CNTN1: variants seen among roughly 807,000 people sequenced by gnomAD.
CNTN1 encodes contactin 1.
In CNTN1, 38 loss-of-function variants were observed where a neutral mutation model predicts 126.4. The ratio of observed to expected loss-of-function variants is 0.30; its 90% CI spans 0.23 to 0.39. The LOEUF is 0.39. Ranked by LOEUF, CNTN1 falls within the 10% of genes least tolerant of loss-of-function variation. The pLI, the probability that CNTN1 is intolerant of heterozygous loss-of-function variation, is 1.00. For synonymous variants in CNTN1, 413 were observed against 422.6 expected (o/e 0.98, Z 0.28); for missense variants, 1,009 against 1,248.4 (o/e 0.81, Z 2.89).
chr12:40,826,349 TAGAAG>T (rs1306505066), intron 1 of CNTN1, among the ~76,000 whole-genome samples: 8 of 152,118 alleles, frequency 5.3e-5, no homozygotes, highest in Admixed American at 5.2e-4. Flanking sequence ...ATATTACTCA[TAGAAG>T]AGAGAAATAT....
chr12:40,718,401 G>C (rs1190888325), intron 1 of CNTN1, among the ~76,000 whole-genome samples: 3 of 151,820 alleles, frequency 2.0e-5, no homozygotes, highest in Admixed American at 6.6e-5. Flanking sequence ...GGATGGTCTC[G>C]ATCTCCTGAC....
chr12:40,774,800 A>G (rs1939513240), intron 1 of CNTN1, among the ~76,000 whole-genome samples: 1 of 151,406 alleles, frequency 6.6e-6, no homozygotes, highest in African/African-American at 2.4e-5. Flanking sequence ...AGTTTTTTAA[A>G]ATCAAAGTTT....
intron 1 of CNTN1, among the ~76,000 whole-genome samples, chr12:40,831,279 G>T (rs1476147551): frequency 6.6e-6 from 1 of 151,034 alleles, no homozygotes; most frequent in Non-Finnish European, 1.5e-5. Context: ...TGATTAGGAG[G>T]CCTACAAGTA....
At chr12:40,980,825 G>A (rs990515363) in intron 15 of CNTN1, 84 bp from the exon 16 acceptor site, 3 of 1,258,200 alleles carry the variant, frequency 2.4e-6, no homozygotes, top group Non-Finnish European at 3.5e-6. Context: ...TTAGATTAAT[G>A]GTTAGAAGAC....
At chr12:40,979,236 C>T (rs1947760320) in intron 15 of CNTN1, 1 of 152,014 alleles carries the variant, frequency 6.6e-6, no homozygotes, top group African/African-American at 2.4e-5. Flanking sequence ...ATAAAATTTA[C>T]TGTCATGGAT....
intron 1 of CNTN1, among the ~76,000 whole-genome samples, chr12:40,732,750 G>A (rs1297069175): frequency 6.6e-6 from 1 of 152,022 alleles, no homozygotes; most frequent in Non-Finnish European, 1.5e-5. Flanking sequence ...TGGATAAGCT[G>A]ACAGGAATTA....
intron 1 of CNTN1, among the ~76,000 whole-genome samples, chr12:40,861,187 G>T (rs1465906320): frequency 6.6e-6 from 1 of 151,936 alleles, no homozygotes; most frequent in African/African-American, 2.4e-5. Flanking sequence ...CTTGACATTT[G>T]CCCCAACTGA....
chr12:40,999,766 G>A lies in CNTN1; in HGVS notation c.2113+6497G>A, dbSNP rs562126061. 2.8e-5 allele frequency among the ~76,000 whole-genome samples: 4 copies of A among 142,760 alleles called. No individual in the cohort carries two copies. The South Asian group carries it at 8.8e-4, about 31-fold the overall frequency. 93.7% of individuals were successfully genotyped at this position (142,760 alleles called of 152,430 possible). A position where few individuals can be genotyped will look rare whatever the true frequency, so the allele number is the denominator to read the frequency against. On this transcript the variant is annotated intron_variant, in intron 17 of 23. Coordinates refer to ENST00000551295, the MANE Select transcript of CNTN1 (RefSeq NM_001843.4). ...CGCCCAGGCTGGAGTGCAGTGGCAG[G>A]ATCTCGGCTCACAGCAAGCTCTGCC...
intron 23 of CNTN1, among the ~76,000 whole-genome samples, chr12:41,060,019 C>T (rs533887993): frequency 1.1e-4 from 17 of 150,012 alleles, no homozygotes; most frequent in East Asian, 3.9e-4. Flanking sequence ...GTGAGTTTGT[C>T]GGAAAAAAAA....
Position 40,740,269 on chromosome 12 carries a change from A to C in CNTN1, c.-77+47677A>C, listed in dbSNP as rs1937881921. On this transcript the variant is annotated intron_variant, in intron 1 of 23. Coordinates refer to ENST00000551295, the MANE Select transcript of CNTN1 (RefSeq NM_001843.4). ...ATGGCTATAGAAGTAAAATTGTGTCAATCATTGCAAAATGCAGATTTACCC... is the reference window on the plus strand; with the variant it reads ...ATGGCTATAGAAGTAAAATTGTGTCCATCATTGCAAAATGCAGATTTACCC... Among the ~76,000 whole-genome samples the C allele has an allele frequency of 2.0e-5, 3 of 152,072 alleles. No homozygotes were observed. In the South Asian group the frequency reaches 6.2e-4, roughly 32 times the overall value.
In CNTN1 at chr12:41,015,996, C is replaced by G. The variant is rs111600155; in HGVS notation, c.2185-686C>G. Among the ~76,000 whole-genome samples the G allele has an allele frequency of 3.9e-3, 595 of 152,276 alleles. 7 individuals are homozygous for G. Among genetic ancestry groups the G allele is most frequent in the African/African-American group, 0.014 (574 of 41,558 alleles). ...AATATTGTCCCTTCCTCCTTGTCAC[C>G]TACTTTTATTCCTCTTACCAGTTTC... On this transcript the variant is annotated intron_variant, in intron 18 of 23. Coordinates refer to ENST00000551295, the MANE Select transcript of CNTN1 (RefSeq NM_001843.4).
intron 17 of CNTN1, among the ~76,000 whole-genome samples, chr12:41,002,380 TTTATTCTTTTTGTGGAAA>T (rs1948383322): frequency 6.6e-6 from 1 of 152,090 alleles, no homozygotes; most frequent in East Asian, 1.9e-4. Flanking sequence ...TCCTAGGTAT[TTTATTCTTTTTGTGGAAA>T]TTATAAATTG....
chr12:41,068,244 C>G (rs1950089245), intron 23 of CNTN1, among the ~76,000 whole-genome samples: 1 of 152,094 alleles, frequency 6.6e-6, no homozygotes, highest in African/African-American at 2.4e-5. Flanking sequence ...GGGTAAAAGA[C>G]CTACCATTGT....
At chr12:40,810,069 A>G (rs971114537) in intron 1 of CNTN1, among the ~76,000 whole-genome samples, 2 of 152,144 alleles carry the variant, frequency 1.3e-5, no homozygotes, top group African/African-American at 4.8e-5. Flanking sequence ...TAAAAAATAT[A>G]TGCAAAAGTT....
At chr12:40,701,595 A>G (rs907757158) in intron 1 of CNTN1, among the ~76,000 whole-genome samples, 2 of 152,132 alleles carry the variant, frequency 1.3e-5, no homozygotes, top group Non-Finnish European at 2.9e-5. Context: ...GAGTATTTTT[A>G]TACATTAAAT....
intron 20 of CNTN1, among the ~76,000 whole-genome samples, chr12:41,020,934 G>C (rs1351015952): frequency 6.6e-6 from 1 of 152,092 alleles, no homozygotes; most frequent in Non-Finnish European, 1.5e-5. Flanking sequence ...AACTTCCCTT[G>C]AGCTTAATTT....
intron 1 of CNTN1, among the ~76,000 whole-genome samples, chr12:40,897,917 G>A (rs1194536516): frequency 1.3e-5 from 2 of 152,094 alleles, no homozygotes; most frequent in East Asian, 1.9e-4. Context: ...TTCAACACAT[G>A]GCATTTAAGG....
intron 1 of CNTN1, among the ~76,000 whole-genome samples, chr12:40,903,930 C>A (rs2136784574): frequency 6.6e-6 from 1 of 152,252 alleles, no homozygotes; most frequent in Admixed American, 6.5e-5. Flanking sequence ...TTAAAATATC[C>A]TTTTCTGGAG....
At chr12:41,042,516 G>T (rs1012208141) in intron 23 of CNTN1, among the ~76,000 whole-genome samples, 22 of 152,138 alleles carry the variant, frequency 1.4e-4, no homozygotes, top group Non-Finnish European at 2.6e-4. Context: ...TGACAGTGGG[G>T]TGTTAAAGTC....
Sources: gnomAD v4.1 joint callset for allele counts (sites outside exome capture counted in the v4.1 genomes callset) on GRCh38, gnomAD v4.1.1 for gene constraint, MANE v1.5 for transcripts, NCBI Gene and HGNC (gene_info 2026-07-23, HGNC 2026-07-21) for gene names.